The following MLLT3 variants were observed in gnomAD, a reference collection of about 807,000 sequenced individuals.
MLLT3 encodes protein AF-9.
MLLT3 carries 4 observed loss-of-function variants against 53.2 expected under a neutral mutation model. The ratio of observed to expected loss-of-function variants is 0.08; its 90% CI spans 0.04 to 0.17. The LOEUF (loss-of-function observed/expected upper bound fraction) is 0.17. Ranked by LOEUF, MLLT3 falls within the 10% of genes least tolerant of loss-of-function variation. The probability of loss-of-function intolerance (pLI) is 1.00; values close to 1 mark genes in which losing one functional copy is unlikely to be tolerated. For missense variants in MLLT3, 569 were observed against 684.0 expected, an observed-to-expected ratio of 0.83 and a Z score of 1.87; for synonymous variants, 283 against 230.6, an observed-to-expected ratio of 1.23 and a Z score of -2.06.
At chr9:20,394,841 C>T (rs1185418963) in intron 5 of MLLT3, among the ~76,000 whole-genome samples, 1 of 152,060 alleles carries the variant, frequency 6.6e-6, no homozygotes, top group African/African-American at 2.4e-5. Context: ...AACAGGAAAT[C>T]TTGGCTTATT....
At chr9:20,557,423 A>G (rs549763423) in intron 2 of MLLT3, among the ~76,000 whole-genome samples, 6 of 152,324 alleles carry the variant, frequency 3.9e-5, no homozygotes, top group African/African-American at 1.2e-4. Context: ...GGGGTGTTGT[A>G]AACTGAATGA....
In MLLT3 at chr9:20,620,561, C is replaced by T; in HGVS notation, c.193+93G>A. On this transcript the variant is annotated intron_variant, in intron 2 of 10. Transcript: ENST00000380338. This position sits in a 1 kb window ranked among gnomAD's most constrained non-coding sequence, Gnocchi z 6.1. Reference sequence around the variant, plus strand: ...CGAGGCTACGCCGGCGAGCGCGGCGCGGGGGGCGGGGAGCGGGACAGCGGG... The same window carrying T: ...CGAGGCTACGCCGGCGAGCGCGGCGTGGGGGGCGGGGAGCGGGACAGCGGG... 1 of 1,164,616 alleles carries T rather than the reference C, an allele frequency of 8.6e-7. No individual in the cohort carries two copies. Among genetic ancestry groups the T allele is most frequent in the Non-Finnish European group, 1.1e-6 (1 of 878,460 alleles). The allele number at this position is 1,164,616 out of a possible 1,614,324, so 72.1% of individuals were successfully genotyped here. A position where few individuals can be genotyped will look rare whatever the true frequency, so the allele number is the denominator to read the frequency against.
intron 2 of MLLT3, among the ~76,000 whole-genome samples, chr9:20,550,794 G>A (rs1818907140): frequency 6.6e-6 from 1 of 152,132 alleles, no homozygotes; most frequent in South Asian, 2.1e-4. Context: ...GTCTCACTCT[G>A]TTGTCCAGGC....
At chr9:20,509,040 C>T (rs985192033) in intron 2 of MLLT3, among the ~76,000 whole-genome samples, 6 of 152,216 alleles carry the variant, frequency 3.9e-5, no homozygotes, top group African/African-American at 9.6e-5. Flanking sequence ...AGCACAAGGT[C>T]TCTGTTCTTT....
At position 20,621,748 on chromosome 9, in the gene MLLT3, C is replaced by A. The variant is rs1285764545; in HGVS notation, c.12+497G>T. On this transcript the variant is annotated intron_variant, in intron 1 of 10. Coordinates refer to ENST00000380338, the MANE Select transcript of MLLT3 (RefSeq NM_004529.4). This position sits in a 1 kb window ranked among gnomAD's most constrained non-coding sequence, Gnocchi z 7.0. Reference sequence around the variant, plus strand: ...TGTCAGCCCCGCACACTTCGGCTCACACACGCGCGCCGCGGAGAACGCACC... The same window carrying A: ...TGTCAGCCCCGCACACTTCGGCTCAAACACGCGCGCCGCGGAGAACGCACC... 2 of 1,490,288 alleles carry A rather than the reference C, an allele frequency of 1.3e-6. No individual in the cohort carries two copies. The highest frequency in any genetic ancestry group is 8.9e-7 in the Non-Finnish European group (1 of 1,128,206). 92.3% of individuals were successfully genotyped at this position (1,490,288 alleles called of 1,614,324 possible).
rs557911031 is a variant in MLLT3, at chr9:20,530,984, T to C, written c.194-74198A>G. Among the ~76,000 whole-genome samples, 5 of 152,220 alleles carry C rather than the reference T, an allele frequency of 3.3e-5. No homozygotes were observed. In the South Asian group the frequency reaches 8.3e-4, roughly 25 times the overall value. On this transcript the variant is annotated intron_variant, in intron 2 of 10. Transcript: ENST00000380338. ...ATTACATATTTTATTTACATCTTTT[T>C]AACCTAATTTAATTCATCTACTTAT... is the stretch of plus-strand genomic sequence containing the variant.
chr9:20,473,097 A>C (rs1269668212), intron 2 of MLLT3, among the ~76,000 whole-genome samples: 2 of 152,038 alleles, frequency 1.3e-5, no homozygotes, highest in African/African-American at 2.4e-5. Context: ...CTGTTCTCCT[A>C]AATCTTCCAG....
At chr9:20,607,510 C>T (rs545977787) in intron 2 of MLLT3, among the ~76,000 whole-genome samples, 43 of 151,944 alleles carry the variant, frequency 2.8e-4, no homozygotes, top group Non-Finnish European at 4.4e-4. Flanking sequence ...AATCTTATTC[C>T]AAATGCTGGC....
At chr9:20,428,770 A>G (rs906685930) in intron 4 of MLLT3, among the ~76,000 whole-genome samples, 29 of 152,260 alleles carry the variant, frequency 1.9e-4, no homozygotes, top group African/African-American at 7.0e-4. Flanking sequence ...CAAAGGAGAG[A>G]AAGCGTAAAT....
intron 2 of MLLT3, among the ~76,000 whole-genome samples, chr9:20,522,953 C>A (rs1262276926): frequency 2.6e-5 from 4 of 151,606 alleles, no homozygotes; most frequent in Non-Finnish European, 4.4e-5. Context: ...CAGAGTGAGA[C>A]CCTGTCTTAA....
chr9:20,434,253 A>G (rs141083696), intron 4 of MLLT3, among the ~76,000 whole-genome samples: 36 of 152,356 alleles, frequency 2.4e-4, no homozygotes, highest in Admixed American at 1.4e-3. Context: ...CTGTAGTTAT[A>G]TAAGAGAATG....
intron 3 of MLLT3, 145 bp downstream of exon 3, chr9:20,456,559 A>G (rs1823975409): frequency 3.2e-6 from 2 of 622,186 alleles, no homozygotes; most frequent in South Asian, 2.0e-5. Context: ...AAGGGTAATG[A>G]TAGCCAAAAT....
intron 2 of MLLT3, among the ~76,000 whole-genome samples, chr9:20,557,128 C>G (rs1819080545): frequency 6.6e-6 from 1 of 152,040 alleles, no homozygotes; most frequent in African/African-American, 2.4e-5. Context: ...TGCACTTTCC[C>G]ACCTCCTGGC....
chr9:20,449,749 T>C (rs1823793767), intron 3 of MLLT3, among the ~76,000 whole-genome samples: 1 of 152,160 alleles, frequency 6.6e-6, no homozygotes, highest in South Asian at 2.1e-4. Flanking sequence ...TCCACTACAA[T>C]CTGACATGAA....
At chr9:20,507,742 G>GAAAAAAAAAA (rs72452530) in intron 2 of MLLT3, among the ~76,000 whole-genome samples, 5 of 84,534 alleles carry the variant, frequency 5.9e-5, no homozygotes, top group African/African-American at 1.6e-4. Context: ...TCCCAAAATG[G>GAAAAAAAAAA]AAAAAAAAAA....
intron 2 of MLLT3, among the ~76,000 whole-genome samples, chr9:20,586,245 A>G (rs928795617): frequency 4.6e-5 from 7 of 152,088 alleles, no homozygotes; most frequent in African/African-American, 1.7e-4. Flanking sequence ...GTTTGAGCCC[A>G]GATGGTCAAG....
chr9:20,354,759 G>A (rs1401916664), intron 9 of MLLT3, 49 bp downstream of exon 9: 4 of 1,236,636 alleles, frequency 3.2e-6, no homozygotes, highest in Non-Finnish European at 4.8e-6. Flanking sequence ...CAAAGAAACG[G>A]AAGGCTTGTC....
At chr9:20,480,839 A>T (rs1824643844) in intron 2 of MLLT3, among the ~76,000 whole-genome samples, 1 of 152,244 alleles carries the variant, frequency 6.6e-6, no homozygotes, top group Non-Finnish European at 1.5e-5. Flanking sequence ...GTAGATGCTC[A>T]GTTCTTTACT....
Position 20,428,696 on chromosome 9 carries a change from T to G in MLLT3, c.421-14271A>C, listed in dbSNP as rs571488717. On this transcript the variant is annotated intron_variant, in intron 4 of 10. Coordinates refer to ENST00000380338, the MANE Select transcript of MLLT3 (RefSeq NM_004529.4). ...CCCTAATAAAACAGTCAACAAAGCC[T>G]AAGGAAAGAACTTTGAAAAGAACTA... Among the ~76,000 whole-genome samples the G allele has an allele frequency of 1.5e-4, 23 of 151,920 alleles. No homozygotes were observed. The South Asian group carries it at 3.3e-3, about 22-fold the overall frequency.
Sources: gnomAD v4.1 joint callset for allele counts (sites outside exome capture counted in the v4.1 genomes callset) on GRCh38, gnomAD v4.1.1 for gene constraint, Gnocchi (gnomAD v3.1) non-coding constraint, MANE v1.5 for transcripts, NCBI Gene and HGNC (gene_info 2026-07-23, HGNC 2026-07-21) for gene names.